The following KRABD2 variants were observed in gnomAD, a reference collection of about 807,000 sequenced individuals.
The protein encoded by KRABD2 is KRAB domain containing 2, also known as KRAB domain-containing protein 2.
At chr17:8,360,548 A>G in the KRABD2 span, among the ~76,000 whole-genome samples, 2 of 152,154 alleles carry the variant, frequency 1.3e-5, no homozygotes, top group Non-Finnish European at 2.9e-5. Context: ...AAAAGAAACC[A>G]AATTCAGTAA....
the KRABD2 span, among the ~76,000 whole-genome samples, chr17:8,363,414 C>T: frequency 4.6e-5 from 7 of 152,072 alleles, no homozygotes; most frequent in African/African-American, 7.2e-5. Context: ...TGCAGTGGCA[C>T]GATCTCAGCT....
chr17:8,367,649 C>T, the KRABD2 span, among the ~76,000 whole-genome samples: 10 of 140,960 alleles, frequency 7.1e-5, no homozygotes, highest in African/African-American at 2.4e-4. Flanking sequence ...AGTGACAGAG[C>T]GAGACCCTGT....
At chr17:8,368,103 AAAAT>A in the KRABD2 span, among the ~76,000 whole-genome samples, 30 of 152,106 alleles carry the variant, frequency 2.0e-4, no homozygotes, top group South Asian at 6.2e-4. Context: ...AATGAAAAAA[AAAAT>A]AAATAAATAA....
At chr17:8,358,967 A>G in the KRABD2 span, among the ~76,000 whole-genome samples, 151 of 152,298 alleles carry the variant, frequency 9.9e-4, no homozygotes, top group African/African-American at 3.3e-3. Context: ...AACTGTCCCA[A>G]TGATGCTCAT....
chr17:8,362,971 T>C, the KRABD2 span, among the ~76,000 whole-genome samples: 1 of 152,028 alleles, frequency 6.6e-6, no homozygotes, highest in Non-Finnish European at 1.5e-5. The surrounding 1 kb of genome is among the most constrained non-coding windows in gnomAD (Gnocchi z 4.2). Flanking sequence ...CAAGGAGGGG[T>C]GATAAAAACT....
chr17:8,375,701 C>CTTT, the KRABD2 span: 18 of 146,878 alleles, frequency 1.2e-4, no homozygotes, highest in African/African-American at 2.2e-4. Flanking sequence ...TCTTTTCTTT[C>CTTT]TTTTTTTTTT....
the KRABD2 span, among the ~76,000 whole-genome samples, chr17:8,364,732 TAAA>T: frequency 6.8e-6 from 1 of 147,732 alleles, no homozygotes; most frequent in Non-Finnish European, 1.5e-5. This position sits in a 1 kb window ranked among gnomAD's most constrained non-coding sequence, Gnocchi z 4.4. Context: ...GGCAATTAAT[TAAA>T]AAAAAAAAAT....
chr17:8,363,119 G>C, the KRABD2 span, among the ~76,000 whole-genome samples: 3 of 152,202 alleles, frequency 2.0e-5, no homozygotes, highest in Non-Finnish European at 2.9e-5. Flanking sequence ...CAGTGAGGGA[G>C]AATGATACAC....
the KRABD2 span, chr17:8,359,551 A>C: frequency 4.4e-6 from 2 of 455,854 alleles, no homozygotes; most frequent in African/African-American, 4.0e-5. Flanking sequence ...GTGCTTATAA[A>C]TGTCCAATGA....
At chr17:8,369,191 A>G in the KRABD2 span, 104 of 1,614,020 alleles carry the variant, frequency 6.4e-5, no homozygotes, top group Admixed American at 2.7e-4. Flanking sequence ...AAGCTTCAGG[A>G]GTGGGATCCA....
chr17:8,369,861 G>T, the KRABD2 span: 1 of 1,614,154 alleles, frequency 6.2e-7, no homozygotes, highest in Non-Finnish European at 8.5e-7. Context: ...CATGGGCTTT[G>T]GTGCAAGGCC....
At chr17:8,371,320 G>A in the KRABD2 span, 74 of 1,606,982 alleles carry the variant, frequency 4.6e-5, no homozygotes, top group South Asian at 2.2e-4. Context: ...CTGTGGGACC[G>A]TGTTCTCATA....
At chr17:8,370,388 TAAGA>T in the KRABD2 span, 1 of 1,537,074 alleles carries the variant, frequency 6.5e-7, no homozygotes, top group Non-Finnish European at 8.7e-7. Flanking sequence ...AGAAGGATCC[TAAGA>T]AAGGAAGAAA....
the KRABD2 span, among the ~76,000 whole-genome samples, chr17:8,363,183 C>A: frequency 6.6e-6 from 1 of 151,994 alleles, no homozygotes; most frequent in Non-Finnish European, 1.5e-5. Flanking sequence ...TAGTGGAATA[C>A]AGAAGGAAGA....
the KRABD2 span, chr17:8,369,183 G>A: frequency 1.2e-6 from 2 of 1,614,174 alleles, no homozygotes. Flanking sequence ...GGGTTCTGAA[G>A]CTTCAGGAGT....
At chr17:8,375,433 G>C in the KRABD2 span, among the ~76,000 whole-genome samples, 1 of 152,232 alleles carries the variant, frequency 6.6e-6, no homozygotes, top group Non-Finnish European at 1.5e-5. Context: ...CCAACCTGTG[G>C]CCTGTGGGCT....
At chr17:8,366,104 G>A in the KRABD2 span, among the ~76,000 whole-genome samples, 3 of 151,088 alleles carry the variant, frequency 2.0e-5, no homozygotes, top group African/African-American at 2.4e-5. Context: ...ACTCCAGCCC[G>A]GGCGACAGTG....
the KRABD2 span, among the ~76,000 whole-genome samples, chr17:8,365,972 A>C: frequency 6.6e-6 from 1 of 151,950 alleles, no homozygotes; most frequent in Non-Finnish European, 1.5e-5. Context: ...CTAAAAATAC[A>C]AAAAATTAGC....
the KRABD2 span, among the ~76,000 whole-genome samples, chr17:8,365,367 A>G: frequency 6.6e-6 from 1 of 152,174 alleles, no homozygotes; most frequent in Non-Finnish European, 1.5e-5. Flanking sequence ...AGGGGAAGGT[A>G]ACATCCTCAG....
Sources: gnomAD v4.1 joint callset for allele counts (sites outside exome capture counted in the v4.1 genomes callset) on GRCh38, gnomAD v4.1.1 for gene constraint, Gnocchi (gnomAD v3.1) non-coding constraint, MANE v1.5 for transcripts, NCBI Gene and HGNC (gene_info 2026-07-23, HGNC 2026-07-21) for gene names.